Variants in ELOVL4 observed in about 807,000 individuals in gnomAD.
ELOVL4 encodes very long chain fatty acid elongase 4.
In ELOVL4, 18 loss-of-function variants were observed where a neutral mutation model predicts 42.1. That is an observed-to-expected ratio of 0.43 (90% confidence interval 0.30 to 0.63). The LOEUF is 0.63. Among genes scored for constraint, ELOVL4 ranks in the 30% least tolerant of loss-of-function variants. The pLI is 0.15. For synonymous variants in ELOVL4, 117 were observed against 127.0 expected (o/e 0.92, Z 0.53); for missense variants, 299 against 376.2 (o/e 0.79, Z 1.70).
chr6:79,939,124 G>A (rs1486401343), intron 1 of ELOVL4, among the ~76,000 whole-genome samples: 1 of 151,988 alleles, frequency 6.6e-6, no homozygotes, highest in East Asian at 1.9e-4. Flanking sequence ...CTAGCCACTC[G>A]GATTTTTTTT....
Position 79,916,752 on chromosome 6 carries a change from A to C in ELOVL4, c.801T>G (p.Ile267Met). 1 of 1,614,126 alleles carries C rather than the reference A, an allele frequency of 6.2e-7. No homozygotes were observed. The highest frequency in any genetic ancestry group is 8.5e-7 in the Non-Finnish European group (1 of 1,180,040). ...GTTTCTTAGGCTCTTTGTATGTCCGAATGTAGAAGTTAAGAAAGAGAAATA... is the reference window on the plus strand; with the variant it reads ...GTTTCTTAGGCTCTTTGTATGTCCGCATGTAGAAGTTAAGAAAGAGAAATA... Reference protein sequence around the residue: ...SFIFLFLNFYIRTYKEPKKPK... With the variant: ...SFIFLFLNFYMRTYKEPKKPK... Residue 267 changes from isoleucine (I) to methionine (M), a missense_variant, in exon 6 of 6, where the codon ATT (isoleucine) becomes ATG (methionine). By Grantham distance (10) the Ile-to-Met change is conservative. Coordinates refer to ENST00000369816, the MANE Select transcript of ELOVL4 (RefSeq NM_022726.4).
intron 5 of ELOVL4, among the ~76,000 whole-genome samples, chr6:79,918,510 C>T (rs1334032479): frequency 6.6e-6 from 1 of 152,202 alleles, no homozygotes; most frequent in Non-Finnish European, 1.5e-5. Flanking sequence ...TCCTATACCA[C>T]TCCGGTTACA....
Position 79,925,010 on chromosome 6 carries a change from G to A in ELOVL4, c.311C>T (p.Ala104Val), listed in dbSNP as rs200915130. The change falls in exon 3 of 6, where the codon GCG becomes GTG. Residue 104 changes from alanine (A) to valine (V), a missense_variant. Ala to Val is a moderately conservative substitution (Grantham distance 64). Transcript: ENST00000369816. ...ACTCTGGCAAATATAGCTATATCCC[G>A]CATTATATGATCCCATGAATAACTG... The part of the protein sequence containing the change: ...FRELFMGSYN[A>V]GYSYICQSVD... The A allele has an allele frequency of 2.4e-4, 381 of 1,604,114 alleles. No individual in the cohort carries two copies. The highest frequency in any genetic ancestry group is 3.1e-4 in the Non-Finnish European group (363 of 1,171,364).
At chr6:79,931,603 T>TAA (rs1774446239) in intron 1 of ELOVL4, among the ~76,000 whole-genome samples, 1 of 152,214 alleles carries the variant, frequency 6.6e-6, no homozygotes, top group Non-Finnish European at 1.5e-5. Context: ...AGGAGCCAAG[T>TAA]CTTATACTTC....
At chr6:79,945,805 A>T (rs1774731247) in intron 1 of ELOVL4, among the ~76,000 whole-genome samples, 1 of 152,096 alleles carries the variant, frequency 6.6e-6, no homozygotes, top group Admixed American at 6.5e-5. Flanking sequence ...AACAAAAAAA[A>T]AAACTGAAGA....
intron 5 of ELOVL4, among the ~76,000 whole-genome samples, chr6:79,919,176 T>C (rs1291262009): frequency 6.6e-6 from 1 of 152,116 alleles, no homozygotes; most frequent in East Asian, 1.9e-4. Flanking sequence ...AGAGAATGTT[T>C]TCCTTAGAGG....
chr6:79,915,646 T>G lies in ELOVL4; in HGVS notation c.*962A>C, dbSNP rs530070127. 1 of 152,528 alleles carries G rather than the reference T, an allele frequency of 6.6e-6. No homozygotes were observed. Among genetic ancestry groups the G allele is most frequent in the Admixed American group, 6.6e-5 (1 of 15,260 alleles). The allele number at this position is 152,528 out of a possible 1,614,324, so 9.4% of individuals were successfully genotyped here. On this transcript the variant is annotated 3_prime_UTR_variant, in exon 6 of 6. Transcript: ENST00000369816. The stretch of plus-strand genomic sequence containing the variant: ...TTAGAAGACTCCTTGATTTTTTAAT[T>G]AAAATTTATTTAATTTTAAATGTTC...
intron 3 of ELOVL4, among the ~76,000 whole-genome samples, chr6:79,924,369 T>C (rs1040403548): frequency 2.6e-5 from 4 of 152,184 alleles, no homozygotes; most frequent in Non-Finnish European, 5.9e-5. Flanking sequence ...AAAATAAACA[T>C]GAGACTTCTT....
intron 1 of ELOVL4, 72 bp downstream of exon 1, chr6:79,947,108 G>A (rs1451159937): frequency 1.6e-6 from 2 of 1,283,912 alleles, no homozygotes; most frequent in East Asian, 2.5e-5. Context: ...GCCGGGCCCG[G>A]GAGCTGCGAG....
intron 1 of ELOVL4, among the ~76,000 whole-genome samples, chr6:79,936,402 T>TATGTGTAATCACTGTACACA (rs1384737282): frequency 2.1e-4 from 32 of 152,284 alleles, no homozygotes; most frequent in African/African-American, 7.2e-4. Context: ...CACAAAAAGG[T>TATGTGTAATCACTGTACACA]TACCTATTAG....
chr6:79,930,497 C>A (rs1035866206), intron 1 of ELOVL4, among the ~76,000 whole-genome samples: 4 of 152,106 alleles, frequency 2.6e-5, no homozygotes, highest in Non-Finnish European at 4.4e-5. Context: ...TGTTTTTCTG[C>A]ATGTATTTGC....
In ELOVL4 at chr6:79,947,362, G is replaced by GCCCCGTC; in HGVS notation, c.-84_-83insGACGGGG. 1 of 1,115,824 alleles carries GCCCCGTC rather than the reference G, an allele frequency of 9.0e-7. No homozygotes were observed. The highest frequency in any genetic ancestry group is 1.3e-6 in the Non-Finnish European group (1 of 758,060). The allele number at this position is 1,115,824 out of a possible 1,614,324, so 69.1% of individuals were successfully genotyped here. ...ACCCCGGAGGCGGTGGCGGCCGACG[G>GCCCCGTC]GGCGAGCGGCGGCCGGGAACCCCTC... On this transcript the variant is annotated 5_prime_UTR_variant, in exon 1 of 6. Transcript: ENST00000369816.
intron 1 of ELOVL4, among the ~76,000 whole-genome samples, chr6:79,938,127 C>CGA (rs1024696791): frequency 6.6e-6 from 1 of 152,232 alleles, no homozygotes; most frequent in African/African-American, 2.4e-5. Flanking sequence ...AAATATATCT[C>CGA]GAGAGAGAGA....
intron 1 of ELOVL4, among the ~76,000 whole-genome samples, chr6:79,937,370 A>G (rs1323003198): frequency 6.6e-6 from 1 of 152,222 alleles, no homozygotes; most frequent in Non-Finnish European, 1.5e-5. Flanking sequence ...AGCAAAAAAT[A>G]AGAACAGATT....
intron 1 of ELOVL4, among the ~76,000 whole-genome samples, chr6:79,940,857 T>G (rs1396990657): frequency 6.6e-6 from 1 of 152,214 alleles, no homozygotes; most frequent in East Asian, 1.9e-4. Context: ...AGTTGGCTCT[T>G]GGTTATTCAA....
At chr6:79,946,125 A>G (rs1774736580) in intron 1 of ELOVL4, among the ~76,000 whole-genome samples, 1 of 152,242 alleles carries the variant, frequency 6.6e-6, no homozygotes, top group Non-Finnish European at 1.5e-5. Context: ...AGGCAGAGTC[A>G]TAAGATGGAA....
At position 79,916,854 on chromosome 6, in the gene ELOVL4, C is replaced by CGT; in HGVS notation, c.697_698dup (p.Ala234ArgfsTer19). On this transcript the variant is annotated frameshift_variant, in exon 6 of 6. Coordinates refer to ENST00000369816, the MANE Select transcript of ELOVL4 (RefSeq NM_022726.4). LOFTEE classifies it high-confidence loss of function. ...GGCAGTCAGTGTAAAGAGACAGTGC[C>CGT]GTGTGCCCAATGGTCACATGGAATT... 1 of 1,614,064 alleles carries CGT rather than the reference C, an allele frequency of 6.2e-7. No individual in the cohort carries two copies. The highest frequency in any genetic ancestry group is 1.1e-5 in the South Asian group (1 of 91,070).
chr6:79,922,717 A>G (rs1193777358), intron 3 of ELOVL4, among the ~76,000 whole-genome samples: 3 of 152,218 alleles, frequency 2.0e-5, no homozygotes, highest in East Asian at 3.8e-4. Flanking sequence ...TAGGTGTTTT[A>G]GAGTTGAAGG....
chr6:79,921,225 G>T (rs1481491289), intron 4 of ELOVL4, among the ~76,000 whole-genome samples: 1 of 151,962 alleles, frequency 6.6e-6, no homozygotes, highest in African/African-American at 2.4e-5. Flanking sequence ...ACTTTGGAAG[G>T]CCGAGGCAGG....
Sources: gnomAD v4.1 joint callset for allele counts (sites outside exome capture counted in the v4.1 genomes callset) on GRCh38, gnomAD v4.1.1 for gene constraint, MANE v1.5 for transcripts, NCBI Gene and HGNC (gene_info 2026-07-23, HGNC 2026-07-21) for gene names.